Variants in TBL1X observed in about 807,000 individuals in gnomAD.
The protein encoded by TBL1X is F-box-like/WD repeat-containing protein TBL1X.
A neutral mutation model predicts 50.7 loss-of-function variants in TBL1X; 10 were observed. That is an observed-to-expected ratio of 0.20 (90% CI 0.12 to 0.33). The LOEUF is 0.33. Among genes scored for constraint, TBL1X ranks in the 10% least tolerant of loss-of-function variants. The pLI is 1.00. For synonymous variants in TBL1X, 190 were observed against 214.7 expected (o/e 0.88, Z 1.01); for missense variants, 340 against 504.4 (o/e 0.67, Z 3.12).
At chrX:9,483,222 C>T (rs1251336255) in intron 1 of TBL1X, among the ~76,000 whole-genome samples, 1 of 111,832 alleles carries the variant, frequency 8.9e-6, no homozygotes, top group Admixed American at 9.5e-5. Context: ...GAGGTATTTA[C>T]ATCCTCCATG....
chrX:9,595,610 G>A (rs771254889), intron 2 of TBL1X, among the ~76,000 whole-genome samples: 1 of 111,856 alleles, frequency 8.9e-6, no homozygotes, highest in Non-Finnish European at 1.9e-5. Flanking sequence ...AAATGGAGAC[G>A]AAGATGAAAG....
chrX:9,471,117 A>T (rs1346770695), intron 1 of TBL1X, among the ~76,000 whole-genome samples: 1 of 112,929 alleles, frequency 8.9e-6, no homozygotes, highest in Non-Finnish European at 1.9e-5. Flanking sequence ...AAATAGGCTA[A>T]AAATATCAAG....
intron 5 of TBL1X, among the ~76,000 whole-genome samples, chrX:9,656,254 G>A (rs1381854353): frequency 8.9e-6 from 1 of 112,163 alleles, no homozygotes; most frequent in South Asian, 3.7e-4. Flanking sequence ...CTTCCCTGTC[G>A]ACTTGTGGCA....
chrX:9,490,517 G>A (rs1332711196), intron 1 of TBL1X, among the ~76,000 whole-genome samples: 1 of 111,941 alleles, frequency 8.9e-6, no homozygotes, highest in Non-Finnish European at 1.9e-5. Context: ...CAGTTCTGCT[G>A]AGGCCAAGAA....
rs374017922 is a variant in TBL1X at position 9,688,218 on chromosome X, C to A, written c.559C>A (p.Pro187Thr). ...TTSAGVSHQN[P>T]SKNREATVNG... is the part of the protein sequence containing the mutation. Reference sequence around the variant, plus strand: ...CTCAGCCGGCGTTTCCCACCAAAATCCATCGAAGAACAGAGAGGCCACGGT... The same window carrying A: ...CTCAGCCGGCGTTTCCCACCAAAATACATCGAAGAACAGAGAGGCCACGGT... The change falls in exon 7 of 18, where the codon CCA (proline) becomes ACA (threonine). Residue 187 changes from proline to threonine, a missense_variant. Physicochemically the swap from Pro to Thr is conservative, Grantham distance 38 (BLOSUM62 -1). This residue lies in a region of TBL1X where 99 missense variants were observed against 93.3 expected (regional missense o/e 1.06). Transcript: ENST00000645353. The A allele has an allele frequency of 8.3e-7, 1 of 1,200,261 alleles. No individual in the cohort carries two copies. The highest frequency in any genetic ancestry group is 1.7e-5 in the African/African-American group (1 of 57,617).
At chrX:9,622,707 G>A (rs1197995671) in intron 2 of TBL1X, among the ~76,000 whole-genome samples, 2 of 111,619 alleles carry the variant, frequency 1.8e-5, no homozygotes, top group African/African-American at 6.5e-5. Context: ...TTGCCATGTT[G>A]GCCAGGCTGG....
intron 1 of TBL1X, among the ~76,000 whole-genome samples, chrX:9,484,422 C>A (rs1287352409): frequency 8.9e-6 from 1 of 111,792 alleles, no homozygotes; most frequent in Non-Finnish European, 1.9e-5. Flanking sequence ...TGTCTCTCCC[C>A]CTCCCTCTAC....
chrX:9,467,847 C>T (rs2081786605), intron 1 of TBL1X, among the ~76,000 whole-genome samples: 1 of 111,828 alleles, frequency 8.9e-6, no homozygotes, highest in Non-Finnish European at 1.9e-5. Context: ...CCACATGTTT[C>T]TAAAGGGCAA....
At position 9,526,736 on chromosome X, in the gene TBL1X, C is replaced by T. The variant is rs141762859; in HGVS notation, c.-131+24887C>T. ...ATGTGGCTGTATTCCAATAAAACTC[C>T]ATTTATGGCCACTGACTTTTGAATT... On this transcript the variant is annotated intron_variant, in intron 2 of 17. Coordinates refer to ENST00000645353, the MANE Select transcript of TBL1X (RefSeq NM_005647.4). 1.3e-3 allele frequency among the ~76,000 whole-genome samples: 149 copies of T among 112,381 alleles called. 3 individuals carry two copies. The East Asian group carries it at 0.03, about 22-fold the overall frequency.
intron 1 of TBL1X, among the ~76,000 whole-genome samples, chrX:9,491,419 C>T (rs1422949236): frequency 4.0e-5 from 4 of 99,391 alleles, no homozygotes; most frequent in Non-Finnish European, 8.0e-5. Flanking sequence ...CGGCTCACTG[C>T]AGCCTCGACC....
chrX:9,606,069 G>T (rs944266430), intron 2 of TBL1X, among the ~76,000 whole-genome samples: 4 of 112,318 alleles, frequency 3.6e-5, no homozygotes, highest in African/African-American at 9.7e-5. Flanking sequence ...TCGTGAGGTT[G>T]CAGCCTGCGC....
chrX:9,691,148 G>A (rs2083094080), intron 7 of TBL1X, among the ~76,000 whole-genome samples: 1 of 112,064 alleles, frequency 8.9e-6, no homozygotes. Flanking sequence ...AGAATCATCA[G>A]AGGTAGGCCG....
chrX:9,700,696 T>C (rs776221368), intron 12 of TBL1X, among the ~76,000 whole-genome samples: 3 of 111,448 alleles, frequency 2.7e-5, no homozygotes, highest in Admixed American at 9.5e-5. Flanking sequence ...TGGTGTTTAA[T>C]GGGGCGATAG....
chrX:9,599,064 C>T (rs1486116039), intron 2 of TBL1X, among the ~76,000 whole-genome samples: 1 of 110,142 alleles, frequency 9.1e-6, no homozygotes, highest in Non-Finnish European at 1.9e-5. Flanking sequence ...CTGCCTCAGC[C>T]TCCCGAGTAG....
rs1389918066 is a variant in TBL1X at position 9,703,210 on chromosome X, GGGGAAGGGAAGAGATCACCAGAGAA to G, written c.1115-1681_1115-1657del. 4.7e-4 allele frequency among the ~76,000 whole-genome samples: 34 copies of G among 71,996 alleles called. 1 individual carries two copies. The highest frequency in any genetic ancestry group is 1.3e-3 in the South Asian group (2 of 1,569). The allele number at this position is 71,996 out of a possible 115,157, so 62.5% of individuals were successfully genotyped here. A position where few individuals can be genotyped will look rare whatever the true frequency, so the allele number is the denominator to read the frequency against. On this transcript the variant is annotated intron_variant, in intron 12 of 17. Coordinates refer to ENST00000645353, the MANE Select transcript of TBL1X (RefSeq NM_005647.4). ...AGGGTGGGGTTGCTCAGAACCTTCA[GGGGAAGGGAAGAGATCACCAGAGAA>G]GGGAAGGGAAGAGATCACCAGAGAA...
At position 9,717,020 on chromosome X, in the gene TBL1X, C is replaced by T. The variant is rs745646417; in HGVS notation, c.*774C>T. ...CACGGACAGCTTTCCCCCTTCCGCC[C>T]TCTCCCACCCTCTCCTCCCCTTGCG... On this transcript the variant is annotated 3_prime_UTR_variant, in exon 18 of 18. Coordinates refer to ENST00000645353, the MANE Select transcript of TBL1X (RefSeq NM_005647.4). 9.1e-6 allele frequency: 1 copy of T among 110,067 alleles called. No homozygotes were observed. The highest frequency in any genetic ancestry group is 3.9e-4 in the South Asian group (1 of 2,541). The allele number at this position is 110,067 out of a possible 1,213,427, so 9.1% of individuals were successfully genotyped here.
chrX:9,567,435 C>G (rs935352878), intron 2 of TBL1X, among the ~76,000 whole-genome samples: 1 of 111,674 alleles, frequency 9.0e-6, no homozygotes, highest in Admixed American at 9.5e-5. Flanking sequence ...GGGTGTGGAG[C>G]TGCTTCTCTG....
At chrX:9,476,672 A>C (rs2081851301) in intron 1 of TBL1X, among the ~76,000 whole-genome samples, 1 of 112,086 alleles carries the variant, frequency 8.9e-6, no homozygotes, top group African/African-American at 3.2e-5. Flanking sequence ...AGCCCCTGGG[A>C]CGTGGAATCT....
intron 2 of TBL1X, among the ~76,000 whole-genome samples, chrX:9,506,352 G>A (rs2082025741): frequency 9.0e-6 from 1 of 111,574 alleles, no homozygotes; most frequent in African/African-American, 3.3e-5. Flanking sequence ...AAGCTAAAAA[G>A]ATCTCAAATC....
Sources: gnomAD v4.1 joint callset for allele counts (sites outside exome capture counted in the v4.1 genomes callset) on GRCh38, gnomAD v4.1.1 for gene constraint, gnomAD v4.1.1 regional missense constraint, MANE v1.5 for transcripts, NCBI Gene and HGNC (gene_info 2026-07-23, HGNC 2026-07-21) for gene names.